JCAD: variants seen among roughly 807,000 people sequenced by gnomAD.
JCAD encodes junctional cadherin 5-associated protein.
In JCAD, 40 loss-of-function variants were observed where a neutral mutation model predicts 98.0. That is an observed-to-expected ratio of 0.41 (90% CI 0.32 to 0.53). JCAD has a LOEUF of 0.53. Among genes scored for constraint, JCAD ranks in the 20% least tolerant of loss-of-function variants. JCAD has a pLI of 0.31. For missense variants in JCAD, 1,705 were observed against 1,738.1 expected (o/e 0.98, Z 0.34); for synonymous variants, 691 against 682.3 (o/e 1.01, Z -0.20).
chr10:30,032,540 C>T (rs1837024342), intron 2 of JCAD, among the ~76,000 whole-genome samples: 1 of 152,136 alleles, frequency 6.6e-6, no homozygotes, highest in Admixed American at 6.5e-5. Flanking sequence ...ATGGGCCGGG[C>T]TGACTTGAAA....
chr10:30,058,608 A>T (rs1196673052), intron 1 of JCAD, among the ~76,000 whole-genome samples: 1 of 152,150 alleles, frequency 6.6e-6, no homozygotes, highest in Non-Finnish European at 1.5e-5. Context: ...GCTTTTTAGC[A>T]GCTAGTGCTG....
chr10:30,064,259 A>T (rs1381990324), upstream of JCAD, among the ~76,000 whole-genome samples: 1 of 152,118 alleles, frequency 6.6e-6, no homozygotes. Context: ...GAGAGACATG[A>T]GCTAGCATGT....
Position 30,029,493 on chromosome 10 carries a change from G to A in JCAD, c.655C>T (p.His219Tyr). Reference protein sequence around the residue: ...QDLYPFIQGEHVLNSQNKGKS... With the variant: ...QDLYPFIQGEYVLNSQNKGKS... ...CCTTTGTTTTGAGAATTCAACACATGTTCTCCTTGAATGAATGGGTACAGG... is the reference window on the plus strand; with the variant it reads ...CCTTTGTTTTGAGAATTCAACACATATTCTCCTTGAATGAATGGGTACAGG... Residue 219 changes from histidine to tyrosine, a missense_variant, in exon 3 of 4, where the codon CAT becomes TAT. Around this residue, in one of 3 missense-constraint regions of JCAD, gnomAD observed 275 missense variants for 346.9 expected, o/e 0.79. Coordinates refer to ENST00000375377, the MANE Select transcript of JCAD (RefSeq NM_020848.4). 1.9e-6 allele frequency: 3 copies of A among 1,614,216 alleles called. No individual in the cohort carries two copies. Among genetic ancestry groups the A allele is most frequent in the Non-Finnish European group, 2.5e-6 (3 of 1,180,040 alleles).
intron 1 of JCAD, among the ~76,000 whole-genome samples, chr10:30,054,931 AG>A (rs1837539129): frequency 6.6e-6 from 1 of 152,114 alleles, no homozygotes; most frequent in South Asian, 2.1e-4. Flanking sequence ...GGCCTCCCAA[AG>A]TGCTGGGATT....
intron 2 of JCAD, among the ~76,000 whole-genome samples, chr10:30,037,623 C>G (rs1425025401): frequency 6.6e-6 from 1 of 151,544 alleles, no homozygotes; most frequent in Non-Finnish European, 1.5e-5. Flanking sequence ...CGGACTATTT[C>G]TGGAGGTTAC....
At chr10:30,100,718 A>G (rs944766402) in intron 1 of JCAD, among the ~76,000 whole-genome samples, 5 of 152,244 alleles carry the variant, frequency 3.3e-5, no homozygotes, top group African/African-American at 1.2e-4. Flanking sequence ...AGCCTGAGGC[A>G]TAATGACTTG....
intron 3 of JCAD, 57 bp downstream of exon 3, chr10:30,026,046 A>T (rs781418784): frequency 6.3e-7 from 1 of 1,594,462 alleles, no homozygotes; most frequent in South Asian, 1.1e-5. Context: ...GGTATTTTGT[A>T]CTGACTAAAA....
At chr10:30,081,281 G>A (rs1436555559) in intron 1 of JCAD, among the ~76,000 whole-genome samples, 2 of 152,168 alleles carry the variant, frequency 1.3e-5, no homozygotes, top group African/African-American at 4.8e-5. Context: ...ATATCAGTCT[G>A]GAATTTCTTT....
At chr10:30,042,900 G>GA (rs1462534088) in intron 2 of JCAD, among the ~76,000 whole-genome samples, 2 of 152,014 alleles carry the variant, frequency 1.3e-5, no homozygotes, top group Non-Finnish European at 2.9e-5. Context: ...TGAGCCAGGG[G>GA]TCCCACAGTC....
At position 30,027,604 on chromosome 10, in the gene JCAD, G is replaced by A. The variant is rs370669751; in HGVS notation, c.2544C>T (p.Ser848=). 7 of 1,614,112 alleles carry A rather than the reference G, an allele frequency of 4.3e-6. No homozygotes were observed. The highest frequency in any genetic ancestry group is 5.9e-6 in the Non-Finnish European group (7 of 1,180,036). ...TGCTGCTGCTGCTGCTGCTACTGCT[G>A]CTTTCTTCCTCTTCCTGGAGCTCCT... ...FNKELQEEEE[S]SSSSSSSSSS... is the part of the protein sequence containing the mutation. The change falls in exon 3 of 4, where the codon AGC becomes AGT. Residue 848 remains serine (S), a synonymous_variant. Transcript: ENST00000375377.
At chr10:30,074,495 C>A (rs948345405) in intron 1 of JCAD, among the ~76,000 whole-genome samples, 2 of 152,226 alleles carry the variant, frequency 1.3e-5, no homozygotes, top group African/African-American at 4.8e-5. Flanking sequence ...CCTAAACACA[C>A]AATGACGACT....
At chr10:30,097,865 A>T (rs1838401675) in intron 1 of JCAD, among the ~76,000 whole-genome samples, 1 of 152,144 alleles carries the variant, frequency 6.6e-6, no homozygotes, top group Non-Finnish European at 1.5e-5. Context: ...CTCAAAGGAG[A>T]AAAACAGCCT....
At position 30,028,749 on chromosome 10, in the gene JCAD, C is replaced by T; in HGVS notation, c.1399G>A (p.Gly467Arg). ...CAAATGGCACCATCAGGCTGCATTC[C>T]TCCATGAGCCGGCTCTTGAGCAGTG... is the stretch of plus-strand genomic sequence containing the variant. Reference protein sequence around the residue: ...PVTAQEPAHGGMQPDGAIWNP... With the variant: ...PVTAQEPAHGRMQPDGAIWNP... Residue 467 changes from glycine to arginine, a missense_variant, in exon 3 of 4, where the codon GGA becomes AGA. Gly to Arg is a moderately radical substitution (Grantham distance 125). Transcript: ENST00000375377. The T allele has an allele frequency of 6.2e-7, 1 of 1,614,188 alleles. No homozygotes were observed. The highest frequency in any genetic ancestry group is 8.5e-7 in the Non-Finnish European group (1 of 1,180,014).
chr10:30,095,028 G>C (rs992221191), intron 1 of JCAD, among the ~76,000 whole-genome samples: 1 of 152,164 alleles, frequency 6.6e-6, no homozygotes. Flanking sequence ...GGTGGATCTT[G>C]GCCGGTGCAC....
chr10:30,059,599 T>TCCGCCCCGCCCACCGCCCGGGC (rs1325483221), upstream of JCAD: 10,860 of 146,294 alleles, frequency 0.074, 1,477 homozygotes, highest in African/African-American at 0.26. This position sits in a 1 kb window ranked among gnomAD's most constrained non-coding sequence, Gnocchi z 5.0. Context: ...AGAACCGCCG[T>TCCGCCCCGCCCACCGCCCGGGC]CCGCCCCGCC....
intron 1 of JCAD, among the ~76,000 whole-genome samples, chr10:30,056,165 A>C (rs998666214): frequency 1.2e-4 from 19 of 152,250 alleles, no homozygotes; most frequent in African/African-American, 4.6e-4. Context: ...ATCATAGGTT[A>C]GAGTTTTATT....
intron 1 of JCAD, among the ~76,000 whole-genome samples, chr10:30,108,425 T>C (rs998325662): frequency 1.3e-5 from 2 of 152,100 alleles, no homozygotes; most frequent in Non-Finnish European, 2.9e-5. Context: ...TGCAGAGGGA[T>C]AGGCATCCAC....
intron 1 of JCAD, among the ~76,000 whole-genome samples, chr10:30,054,011 G>A (rs970471189): frequency 6.6e-6 from 1 of 152,198 alleles, no homozygotes. Flanking sequence ...GCAGTGAGCC[G>A]AGATCGTGCC....
intron 1 of JCAD, among the ~76,000 whole-genome samples, chr10:30,098,627 C>T (rs1488125016): frequency 6.6e-6 from 1 of 152,186 alleles, no homozygotes; most frequent in Admixed American, 6.6e-5. Context: ...AATGAATGAA[C>T]TCCAGTTTAT....
Sources: allele counts gnomAD v4.1 joint callset (sites outside exome capture counted in the v4.1 genomes callset), GRCh38; gene constraint gnomAD v4.1.1; regional missense constraint gnomAD v4.1.1; non-coding constraint Gnocchi (gnomAD v3.1); transcripts MANE v1.5; gene names NCBI Gene and HGNC (gene_info 2026-07-23, HGNC 2026-07-21).